The following VAV1 variants were observed in gnomAD, a reference collection of about 807,000 sequenced individuals.
VAV1 encodes vav guanine nucleotide exchange factor 1.
In VAV1, 33 loss-of-function variants were observed where a neutral mutation model predicts 128.1. That is an observed-to-expected ratio of 0.26 (90% CI 0.20 to 0.34). The LOEUF (loss-of-function observed/expected upper bound fraction) is 0.34. Ranked by LOEUF, VAV1 falls within the 10% of genes least tolerant of loss-of-function variation. The pLI is 1.00. For missense variants in VAV1, 715 were observed against 1,093.7 expected, an observed-to-expected ratio of 0.65 and a Z score of 4.88; for synonymous variants, 394 against 409.8, an observed-to-expected ratio of 0.96 and a Z score of 0.47.
rs370907427 is a variant in VAV1, at chr19:6,778,230, G to A, written c.204+5219G>A. Among the ~76,000 whole-genome samples the A allele has an allele frequency of 1.8e-3, 277 of 152,262 alleles. 19 individuals are homozygous for A. The South Asian group carries it at 0.052, about 28-fold the overall frequency. On this transcript the variant is annotated intron_variant, in intron 1 of 26. Transcript: ENST00000602142. The stretch of plus-strand genomic sequence containing the variant: ...AGGATTGCAGGCGTTAAGCCACCAC[G>A]CCCAGACACCACTGTGCTCTTGAAG...
At chr19:6,803,815 T>C (rs537526753) in intron 1 of VAV1, among the ~76,000 whole-genome samples, 3 of 152,282 alleles carry the variant, frequency 2.0e-5, no homozygotes, top group Admixed American at 2.0e-4. Flanking sequence ...TCCAGCCACG[T>C]CGGCCTCCCA....
rs1169076080 is a variant in VAV1 at position 6,814,637 on chromosome 19, C to CTCCTTCCT, written c.205-6035_205-6028dup. 3.1e-3 allele frequency among the ~76,000 whole-genome samples: 253 copies of CTCCTTCCT among 82,066 alleles called. 24 individuals are homozygous for CTCCTTCCT. The highest frequency in any genetic ancestry group is 7.5e-3 in the African/African-American group (115 of 15,394). The allele number at this position is 82,066 out of a possible 152,430, so 53.8% of individuals were successfully genotyped here. On this transcript the variant is annotated intron_variant, in intron 1 of 26. Transcript: ENST00000602142. Reference sequence around the variant, plus strand: ...TTCTTTCTTTCTTTCTTTTCTTTCTCTCCTTCCTTCCTTCCTTCCTTCCTT... The same window carrying CTCCTTCCT: ...TTCTTTCTTTCTTTCTTTTCTTTCTCTCCTTCCTTCCTTCCTTCCTTCCTTCCTTCCTT...
intron 1 of VAV1, among the ~76,000 whole-genome samples, chr19:6,817,968 G>T (rs560605246): frequency 2.6e-5 from 4 of 152,172 alleles, no homozygotes; most frequent in East Asian, 3.8e-4. Context: ...TTACAGGCAT[G>T]AGCCACCACG....
At chr19:6,842,267 A>C (rs1362018648) in intron 21 of VAV1, among the ~76,000 whole-genome samples, 1 of 151,890 alleles carries the variant, frequency 6.6e-6, no homozygotes, top group Non-Finnish European at 1.5e-5. Context: ...ATACATACAT[A>C]AAACAAAAAA....
At position 6,843,139 on chromosome 19, in the gene VAV1, C is replaced by G. The variant is rs770645311; in HGVS notation, c.1985C>G (p.Pro662Arg). The G allele has an allele frequency of 2.5e-6, 4 of 1,614,110 alleles. No individual in the cohort carries two copies. The highest frequency in any genetic ancestry group is 3.4e-6 in the Non-Finnish European group (4 of 1,180,008). Reference protein sequence around the residue: ...CNRVKPYVHGPPQDLSVHLWY... With the variant: ...CNRVKPYVHGRPQDLSVHLWY... ...GGTCTCTCTCTGTATTCTTAGGGCC[C>G]TCCTCAGGACCTGTCTGTTCATCTC... The change falls in exon 22 of 27, where the codon CCT becomes CGT. Residue 662 changes from proline to arginine, a missense_variant. By Grantham distance (103) the Pro-to-Arg change is moderately radical. Around this residue, in one of 3 missense-constraint regions of VAV1, gnomAD observed 407 missense variants for 580.6 expected, o/e 0.70. Coordinates refer to ENST00000602142, the MANE Select transcript of VAV1 (RefSeq NM_005428.4).
At chr19:6,831,890 G>C in intron 14 of VAV1, among the ~76,000 whole-genome samples, 1 of 151,874 alleles carries the variant, frequency 6.6e-6, no homozygotes, top group African/African-American at 2.4e-5. Context: ...GCATGTGCAC[G>C]CCTGCGTATG....
chr19:6,834,278 G>T (rs957792245), intron 19 of VAV1, among the ~76,000 whole-genome samples: 7 of 151,174 alleles, frequency 4.6e-5, no homozygotes, highest in African/African-American at 1.7e-4. Context: ...GAGTCTTGCT[G>T]TGTCGCCCAG....
At chr19:6,825,521 G>A in intron 8 of VAV1, 115 bp downstream of exon 8, 1 of 845,646 alleles carries the variant, frequency 1.2e-6, no homozygotes, top group Non-Finnish European at 1.9e-6. Context: ...TTTGCTGTGT[G>A]TTCATGGGCG....
intron 24 of VAV1, among the ~76,000 whole-genome samples, chr19:6,852,163 A>G (rs1048863846): frequency 1.1e-4 from 17 of 152,078 alleles, no homozygotes; most frequent in African/African-American, 3.6e-4. Context: ...ACAGGCATGC[A>G]CTGTCATGCC....
Position 6,832,103 on chromosome 19 carries a change from T to A in VAV1, c.1411T>A (p.Phe471Ile). 6.2e-7 allele frequency: 1 copy of A among 1,614,110 alleles called. No individual in the cohort carries two copies. The highest frequency in any genetic ancestry group is 1.7e-5 in the Admixed American group (1 of 60,010). Residue 471 changes from phenylalanine (F) to isoleucine (I), a missense_variant, in exon 15 of 27, where the codon TTC becomes ATC. Around this residue, in one of 3 missense-constraint regions of VAV1, gnomAD observed 407 missense variants for 580.6 expected, o/e 0.70. Transcript: ENST00000602142. Reference protein sequence around the residue: ...DRDNKKWSHMFLLIEDQGAQG... With the variant: ...DRDNKKWSHMILLIEDQGAQG... The stretch of plus-strand genomic sequence containing the variant: ...TGCTTCCCTGCAGTGGAGCCACATG[T>A]TCCTCCTGATCGAGGACCAAGGTGC...
At chr19:6,787,167 TTTTG>T (rs1229897323) in intron 1 of VAV1, among the ~76,000 whole-genome samples, 1 of 151,750 alleles carries the variant, frequency 6.6e-6, no homozygotes, top group African/African-American at 2.4e-5. Flanking sequence ...TCTCTCTATT[TTTTG>T]TTTGTTTGCT....
At chr19:6,799,879 A>T (rs1971226739) in intron 1 of VAV1, among the ~76,000 whole-genome samples, 1 of 151,630 alleles carries the variant, frequency 6.6e-6, no homozygotes, top group African/African-American at 2.4e-5. Flanking sequence ...AAAGAAAAGA[A>T]AACAGAATCA....
intron 1 of VAV1, among the ~76,000 whole-genome samples, chr19:6,794,555 A>C (rs539261873): frequency 6.6e-6 from 1 of 152,316 alleles, no homozygotes; most frequent in South Asian, 2.1e-4. Flanking sequence ...TGGTGTCAAG[A>C]GACCAATGCC....
At chr19:6,815,288 C>T (rs955213176) in intron 1 of VAV1, among the ~76,000 whole-genome samples, 1 of 152,106 alleles carries the variant, frequency 6.6e-6, no homozygotes, top group Non-Finnish European at 1.5e-5. Context: ...GCTGGGACTA[C>T]TGGCCATCAC....
In VAV1 at chr19:6,836,587, A is replaced by G. The variant is rs1356748924; in HGVS notation, c.1914+19A>G. The G allele has an allele frequency of 3.7e-6, 6 of 1,613,414 alleles. No homozygotes were observed. Among genetic ancestry groups the G allele is most frequent in the Admixed American group, 1.7e-5 (1 of 59,916 alleles). On this transcript the variant is annotated intron_variant, in intron 20 of 26. Coordinates refer to ENST00000602142, the MANE Select transcript of VAV1 (RefSeq NM_005428.4). ...GTGGGAGGTACAGGCTGGGGCCACA[A>G]GAGTGATGGGGTGGGACCCAAGTGT...
At chr19:6,833,325 T>C (rs1972135084) in intron 16 of VAV1, 40 bp downstream of exon 16, 2 of 1,571,122 alleles carry the variant, frequency 1.3e-6, no homozygotes, top group Non-Finnish European at 1.7e-6. Flanking sequence ...CCGGACTTGG[T>C]CATCAGTTCC....
At chr19:6,810,307 G>A (rs1971488492) in intron 1 of VAV1, among the ~76,000 whole-genome samples, 1 of 151,944 alleles carries the variant, frequency 6.6e-6, no homozygotes, top group Non-Finnish European at 1.5e-5. Flanking sequence ...TTCAGCCTGG[G>A]CAACAGAGTG....
At chr19:6,836,664 C>T (rs1359965120) in intron 20 of VAV1, 96 bp downstream of exon 20, 1 of 1,532,176 alleles carries the variant, frequency 6.5e-7, no homozygotes, top group Non-Finnish European at 8.8e-7. Flanking sequence ...TTCCACCATG[C>T]TCTGGAGGTG....
intron 1 of VAV1, among the ~76,000 whole-genome samples, chr19:6,795,164 C>T (rs928933715): frequency 2.0e-5 from 3 of 152,138 alleles, no homozygotes; most frequent in African/African-American, 7.2e-5. Context: ...AAGCCATACC[C>T]TGGCTTCTCT....
Sources: gnomAD v4.1 joint callset for allele counts (sites outside exome capture counted in the v4.1 genomes callset) on GRCh38, gnomAD v4.1.1 for gene constraint, gnomAD v4.1.1 regional missense constraint, MANE v1.5 for transcripts, NCBI Gene and HGNC (gene_info 2026-07-23, HGNC 2026-07-21) for gene names.